The following TMEM108 variants were observed in gnomAD, a reference collection of about 807,000 sequenced individuals.
TMEM108 encodes the protein transmembrane protein 108.
A neutral mutation model predicts 35.1 loss-of-function variants in TMEM108; 12 were observed. That is an observed-to-expected ratio of 0.34 (90% CI 0.22 to 0.55). The LOEUF is 0.55. Ranked by LOEUF, TMEM108 falls within the 20% of genes least tolerant of loss-of-function variation. The pLI, the probability that TMEM108 is intolerant of heterozygous loss-of-function variation, is 0.89. For missense variants in TMEM108, 680 were observed against 753.3 expected (o/e 0.90, Z 1.14); for synonymous variants, 287 against 308.6 (o/e 0.93, Z 0.73).
At chr3:133,171,444 A>T (rs1012139827) in intron 2 of TMEM108, among the ~76,000 whole-genome samples, 1 of 152,204 alleles carries the variant, frequency 6.6e-6, no homozygotes, top group Non-Finnish European at 1.5e-5. Flanking sequence ...TGGTGCAATC[A>T]TAGCTCACTG....
chr3:133,326,486 C>T (rs886605503), intron 3 of TMEM108, among the ~76,000 whole-genome samples: 2 of 152,134 alleles, frequency 1.3e-5, no homozygotes, highest in African/African-American at 4.8e-5. Context: ...GAGTAAAGCC[C>T]TTCACCTTAC....
intron 2 of TMEM108, among the ~76,000 whole-genome samples, chr3:133,055,047 T>G (rs1251817800): frequency 1.3e-5 from 2 of 152,210 alleles, no homozygotes; most frequent in African/African-American, 4.8e-5. Context: ...TGCTGACTGC[T>G]GAGGTGAAAA....
chr3:133,389,215 G>C, intron 4 of TMEM108: 1 of 985,658 alleles, frequency 1.0e-6, no homozygotes, highest in Non-Finnish European at 1.2e-6. Flanking sequence ...ATTCACACAT[G>C]GTTAATCAAC....
At chr3:133,109,375 C>T (rs1348664973) in intron 2 of TMEM108, among the ~76,000 whole-genome samples, 1 of 152,080 alleles carries the variant, frequency 6.6e-6, no homozygotes, top group East Asian at 1.9e-4. Context: ...CGCCTGTAAT[C>T]CCAGCACTCA....
At chr3:133,173,737 C>T (rs965491351) in intron 2 of TMEM108, among the ~76,000 whole-genome samples, 1 of 152,152 alleles carries the variant, frequency 6.6e-6, no homozygotes, top group African/African-American at 2.4e-5. Context: ...CAAATAGGAA[C>T]AGCTCTAGTC....
At chr3:133,227,059 T>A (rs4130894) in intron 2 of TMEM108, among the ~76,000 whole-genome samples, 1 of 152,276 alleles carries the variant, frequency 6.6e-6, no homozygotes, top group Non-Finnish European at 1.5e-5. Flanking sequence ...GTGATTCAAT[T>A]ACCTGCCACC....
intron 3 of TMEM108, among the ~76,000 whole-genome samples, chr3:133,367,104 A>G (rs2072522037): frequency 6.6e-6 from 1 of 152,228 alleles, no homozygotes; most frequent in Non-Finnish European, 1.5e-5. Context: ...CCTGCATTCC[A>G]TGAAATGGGC....
chr3:133,207,419 C>A (rs546872074), intron 2 of TMEM108, among the ~76,000 whole-genome samples: 2 of 152,206 alleles, frequency 1.3e-5, no homozygotes, highest in East Asian at 3.9e-4. Context: ...CAGAGCTGTT[C>A]CTGTTTGGCC....
chr3:133,043,569 A>C (rs979655139), intron 1 of TMEM108, among the ~76,000 whole-genome samples: 1 of 152,092 alleles, frequency 6.6e-6, no homozygotes, highest in Non-Finnish European at 1.5e-5. Flanking sequence ...AAACACTTTC[A>C]AATTCATGTT....
intron 2 of TMEM108, among the ~76,000 whole-genome samples, chr3:133,100,694 A>G (rs1944075787): frequency 6.6e-6 from 1 of 152,240 alleles, no homozygotes; most frequent in Non-Finnish European, 1.5e-5. Context: ...TGAAATAAGC[A>G]TGAGGACTTT....
At chr3:133,349,036 A>G (rs1333886825) in intron 3 of TMEM108, among the ~76,000 whole-genome samples, 1 of 152,166 alleles carries the variant, frequency 6.6e-6, no homozygotes, top group Non-Finnish European at 1.5e-5. Context: ...AATACTCACA[A>G]TAGATTTTTA....
At chr3:133,191,925 A>T (rs1246803624) in intron 2 of TMEM108, among the ~76,000 whole-genome samples, 1 of 152,028 alleles carries the variant, frequency 6.6e-6, no homozygotes, top group African/African-American at 2.4e-5. Context: ...ATGCACCCAG[A>T]CTGCTTGAAT....
At chr3:133,245,302 A>G (rs1324570753) in intron 3 of TMEM108, among the ~76,000 whole-genome samples, 1 of 152,212 alleles carries the variant, frequency 6.6e-6, no homozygotes, top group African/African-American at 2.4e-5. Context: ...GTCCTCTCCT[A>G]CATCCCTCTG....
chr3:133,127,941 G>C (rs1253350768), intron 2 of TMEM108, among the ~76,000 whole-genome samples: 2 of 152,160 alleles, frequency 1.3e-5, no homozygotes, highest in Non-Finnish European at 2.9e-5. Context: ...TGTTCACCTA[G>C]GTAGGTATCT....
intron 3 of TMEM108, among the ~76,000 whole-genome samples, chr3:133,305,711 T>C (rs1167437301): frequency 6.6e-6 from 1 of 152,098 alleles, no homozygotes; most frequent in Non-Finnish European, 1.5e-5. Context: ...CCATCAGCAA[T>C]ATATAAATAT....
At chr3:133,325,308 T>C (rs2071316268) in intron 3 of TMEM108, among the ~76,000 whole-genome samples, 1 of 152,134 alleles carries the variant, frequency 6.6e-6, no homozygotes, top group Non-Finnish European at 1.5e-5. Flanking sequence ...AATGATATAA[T>C]GGATTTTGGG....
chr3:133,298,669 A>G (rs1308525814), intron 3 of TMEM108, among the ~76,000 whole-genome samples: 1 of 152,128 alleles, frequency 6.6e-6, no homozygotes, highest in Non-Finnish European at 1.5e-5. Flanking sequence ...TTCGTTTCAC[A>G]CTCAACCATA....
intron 3 of TMEM108, among the ~76,000 whole-genome samples, chr3:133,365,236 G>T (rs771623380): frequency 6.6e-6 from 1 of 152,090 alleles, no homozygotes; most frequent in African/African-American, 2.4e-5. Context: ...ACATCAACCC[G>T]ATGCAAAATC....
At chr3:133,125,041 A>G (rs116183081) in intron 2 of TMEM108, 3 of 152,208 alleles carry the variant, frequency 2.0e-5, no homozygotes, top group Admixed American at 2.0e-4. Context: ...CTCGTTGGAG[A>G]ATTTACAATC....
Sources: allele counts gnomAD v4.1 joint callset (sites outside exome capture counted in the v4.1 genomes callset), GRCh38; gene constraint gnomAD v4.1.1; transcripts MANE v1.5; gene names NCBI Gene and HGNC (gene_info 2026-07-23, HGNC 2026-07-21).